LINGO2: variants seen among roughly 807,000 people sequenced by gnomAD.
LINGO2 encodes leucine rich repeat and Ig domain containing 2, also known as leucine-rich repeat and immunoglobulin-like domain-containing nogo receptor-interacting protein 2.
LINGO2 carries 14 observed loss-of-function variants against 30.6 expected under a neutral mutation model. The observed-to-expected ratio is 0.46, with a 90% CI of 0.30 to 0.72. The LOEUF is 0.72. LINGO2 is among the 30% of genes least tolerant of loss of function. LINGO2 has a pLI of 0.07. For synonymous variants in LINGO2, 317 were observed against 288.5 expected (o/e 1.10, Z -1.00); for missense variants, 729 against 751.7 (o/e 0.97, Z 0.35).
At chr9:28,667,366 T>G (rs1429477480) in intron 1 of LINGO2, among the ~76,000 whole-genome samples, 4 of 152,168 alleles carry the variant, frequency 2.6e-5, no homozygotes, top group Admixed American at 2.0e-4. Flanking sequence ...TGACATCATT[T>G]AAAACATTTA....
chr9:29,166,065 T>C, the LINGO2 span, among the ~76,000 whole-genome samples: 2 of 152,158 alleles, frequency 1.3e-5, no homozygotes, highest in African/African-American at 2.4e-5. Context: ...TATTTCATCA[T>C]TGCTCTTATA....
intron 4 of LINGO2, among the ~76,000 whole-genome samples, chr9:28,244,583 A>C (rs919934908): frequency 1.2e-4 from 18 of 152,180 alleles, no homozygotes; most frequent in Non-Finnish European, 1.8e-4. Flanking sequence ...AAAAGAGAGA[A>C]GATTCAAATC....
At chr9:28,899,910 G>C in the LINGO2 span, among the ~76,000 whole-genome samples, 15 of 152,146 alleles carry the variant, frequency 9.9e-5, no homozygotes, top group African/African-American at 3.6e-4. Flanking sequence ...TCACAGTCCA[G>C]GCCCATCCCA....
the LINGO2 span, among the ~76,000 whole-genome samples, chr9:28,911,685 C>A: frequency 1.3e-5 from 2 of 151,986 alleles, no homozygotes; most frequent in Non-Finnish European, 2.9e-5. Flanking sequence ...GAATATTCAA[C>A]TCCACAGAAT....
chr9:27,956,970 CTG>C (rs1235904204), intron 5 of LINGO2, among the ~76,000 whole-genome samples: 3 of 152,030 alleles, frequency 2.0e-5, no homozygotes, highest in Non-Finnish European at 4.4e-5. Flanking sequence ...TGGCATGCAT[CTG>C]TATTCCTAGC....
At chr9:28,438,178 G>A (rs774940822) in intron 2 of LINGO2, among the ~76,000 whole-genome samples, 2 of 152,140 alleles carry the variant, frequency 1.3e-5, no homozygotes, top group South Asian at 4.1e-4. Flanking sequence ...CCCAAACCAG[G>A]TGGGATGGTG....
At chr9:28,716,442 G>A in the LINGO2 span, among the ~76,000 whole-genome samples, 3 of 151,962 alleles carry the variant, frequency 2.0e-5, no homozygotes, top group Non-Finnish European at 4.4e-5. Context: ...GTTATAAGAG[G>A]TCTACCCTGA....
chr9:28,860,031 T>G, the LINGO2 span, among the ~76,000 whole-genome samples: 1 of 151,976 alleles, frequency 6.6e-6, no homozygotes, highest in Non-Finnish European at 1.5e-5. Flanking sequence ...TGAAGAAATA[T>G]TCATAAACTA....
intron 4 of LINGO2, among the ~76,000 whole-genome samples, chr9:28,189,290 A>C (rs1819669831): frequency 2.4e-5 from 1 of 41,356 alleles, no homozygotes; most frequent in Non-Finnish European, 5.8e-5. Context: ...GGAGGGAGGG[A>C]GGAAGGAAGG....
intron 1 of LINGO2, among the ~76,000 whole-genome samples, chr9:28,547,061 A>G (rs1411710194): frequency 6.6e-6 from 1 of 152,110 alleles, no homozygotes; most frequent in East Asian, 1.9e-4. Flanking sequence ...GAAATACTAG[A>G]AAAAGGAAGG....
chr9:29,094,161 T>C, the LINGO2 span, among the ~76,000 whole-genome samples: 1 of 138,614 alleles, frequency 7.2e-6, no homozygotes, highest in Non-Finnish European at 1.6e-5. Flanking sequence ...ACAATGTCCT[T>C]AAAAAACAAA....
chr9:28,779,315 T>C, the LINGO2 span, among the ~76,000 whole-genome samples: 1 of 152,144 alleles, frequency 6.6e-6, no homozygotes, highest in South Asian at 2.1e-4. Context: ...AATTTAGGTA[T>C]TTGGGGACTG....
At chr9:29,008,738 T>C in the LINGO2 span, among the ~76,000 whole-genome samples, 69,640 of 151,594 alleles carry the variant, frequency 0.46, 16,613 homozygotes, top group Non-Finnish European at 0.53. Context: ...TTGAGAAGTG[T>C]CTGTTCATAT....
At chr9:28,244,571 A>C (rs569030797) in intron 4 of LINGO2, among the ~76,000 whole-genome samples, 1 of 152,284 alleles carries the variant, frequency 6.6e-6, no homozygotes, top group Admixed American at 6.5e-5. Context: ...CTAATAAAGA[A>C]GAAAAGAGAG....
chr9:27,988,537 T>C (rs963668380), intron 5 of LINGO2, among the ~76,000 whole-genome samples: 2 of 151,908 alleles, frequency 1.3e-5, no homozygotes, highest in Non-Finnish European at 2.9e-5. Flanking sequence ...TTAATGATCG[T>C]CATTCTAACT....
chr9:28,123,582 G>T (rs1356590843), intron 4 of LINGO2, among the ~76,000 whole-genome samples: 1 of 152,124 alleles, frequency 6.6e-6, no homozygotes, highest in African/African-American at 2.4e-5. Flanking sequence ...ATTCAAAAAT[G>T]CTTCTGTAAT....
At chr9:29,047,453 G>C in the LINGO2 span, among the ~76,000 whole-genome samples, 5 of 152,076 alleles carry the variant, frequency 3.3e-5, no homozygotes, top group African/African-American at 9.7e-5. Context: ...GTATAAATTA[G>C]TTCAACCGTT....
intron 2 of LINGO2, among the ~76,000 whole-genome samples, chr9:28,396,602 G>T (rs1049952419): frequency 4.7e-5 from 7 of 149,920 alleles, no homozygotes; most frequent in Admixed American, 3.4e-4. Context: ...TACTTGGGAG[G>T]CTGAGGCAGG....
chr9:28,501,893 C>CT (rs913770468), intron 1 of LINGO2, among the ~76,000 whole-genome samples: 13 of 151,822 alleles, frequency 8.6e-5, no homozygotes, highest in Admixed American at 2.0e-4. Context: ...GAATGTTCAG[C>CT]TTTGTGAATA....
Sources: allele counts gnomAD v4.1 joint callset (sites outside exome capture counted in the v4.1 genomes callset), GRCh38; gene constraint gnomAD v4.1.1; transcripts MANE v1.5; gene names NCBI Gene and HGNC (gene_info 2026-07-23, HGNC 2026-07-21).